KDM4C: variants seen among roughly 807,000 people sequenced by gnomAD.
KDM4C encodes lysine-specific demethylase 4C.
KDM4C carries 81 observed loss-of-function variants against 129.3 expected under a neutral mutation model. That is an observed-to-expected ratio of 0.63 (90% CI 0.52 to 0.75). The LOEUF is 0.75. Ranked by LOEUF, KDM4C falls within the 30% of genes least tolerant of loss-of-function variation. KDM4C has a pLI of 0.00. For synonymous variants in KDM4C, 573 were observed against 456.1 expected (o/e 1.26, Z -3.26); for missense variants, 1,457 against 1,304.0 (o/e 1.12, Z -1.81).
At chr9:6,802,583 A>G (rs186215874) in intron 2 of KDM4C, among the ~76,000 whole-genome samples, 59 of 152,354 alleles carry the variant, frequency 3.9e-4, no homozygotes, top group African/African-American at 1.3e-3. Flanking sequence ...AGTAGGAATG[A>G]AAATCAAAGA....
At chr9:6,918,385 C>T (rs4742271) in intron 8 of KDM4C, among the ~76,000 whole-genome samples, 152,355 of 152,364 alleles carry the variant, frequency 1, 76,173 homozygotes, top group Non-Finnish European at 1. Flanking sequence ...TATTCCATGA[C>T]GTGTATGTAC....
intron 17 of KDM4C, among the ~76,000 whole-genome samples, chr9:7,054,630 A>G (rs1434352547): frequency 1.3e-5 from 2 of 152,358 alleles, no homozygotes; most frequent in Non-Finnish European, 2.9e-5. Flanking sequence ...AGAGAAGGAC[A>G]TTTTAAAAAT....
intron 17 of KDM4C, 77 bp from the exon 18 acceptor site, chr9:7,103,598 TCTCTAGTAGC>T: frequency 1.0e-6 from 1 of 976,182 alleles, no homozygotes; most frequent in Non-Finnish European, 1.5e-6. Context: ...TTTTTTTTCT[TCTCTAGTAGC>T]TATTGTTCTG....
intron 17 of KDM4C, among the ~76,000 whole-genome samples, chr9:7,070,881 A>G (rs1444738618): frequency 6.6e-6 from 1 of 152,216 alleles, no homozygotes; most frequent in African/African-American, 2.4e-5. Flanking sequence ...AGAAAAATGA[A>G]TTCAAATCAT....
chr9:7,060,726 T>A (rs1015301913), intron 17 of KDM4C, among the ~76,000 whole-genome samples: 2 of 152,032 alleles, frequency 1.3e-5, no homozygotes, highest in African/African-American at 4.8e-5. Context: ...GTGATCCGCC[T>A]GCCTCGGCCT....
At chr9:6,966,062 C>A (rs995138241) in intron 8 of KDM4C, among the ~76,000 whole-genome samples, 1 of 152,146 alleles carries the variant, frequency 6.6e-6, no homozygotes, top group Non-Finnish European at 1.5e-5. Flanking sequence ...TAAAAACTTT[C>A]AGAGTTAACT....
intron 18 of KDM4C, among the ~76,000 whole-genome samples, chr9:7,107,047 A>C (rs1837774531): frequency 1.3e-5 from 2 of 152,140 alleles, no homozygotes; most frequent in South Asian, 4.1e-4. Flanking sequence ...TGTGTTTGCC[A>C]GCGTTTTTGT....
intron 1 of KDM4C, among the ~76,000 whole-genome samples, chr9:6,739,499 A>G (rs1178380091): frequency 6.6e-6 from 1 of 152,164 alleles, no homozygotes; most frequent in Admixed American, 6.6e-5. Context: ...ACTCCTGGAC[A>G]CCAGGTTTAA....
At chr9:6,953,145 C>T (rs1007493244) in intron 8 of KDM4C, among the ~76,000 whole-genome samples, 1 of 152,230 alleles carries the variant, frequency 6.6e-6, no homozygotes, top group South Asian at 2.1e-4. Context: ...GGCAGTAGAT[C>T]TTTTTTGTTC....
At chr9:7,162,000 C>T (rs1053633546) in intron 19 of KDM4C, among the ~76,000 whole-genome samples, 1 of 152,174 alleles carries the variant, frequency 6.6e-6, no homozygotes, top group Non-Finnish European at 1.5e-5. Context: ...CTCCGAGCTA[C>T]CTTAACTTCA....
intron 8 of KDM4C, among the ~76,000 whole-genome samples, chr9:6,959,248 C>A (rs1175584629): frequency 6.6e-6 from 1 of 152,178 alleles, no homozygotes; most frequent in African/African-American, 2.4e-5. Context: ...CCATGCTGGT[C>A]CCACCATGTA....
chr9:7,072,359 A>C (rs1401772061), intron 17 of KDM4C, among the ~76,000 whole-genome samples: 1 of 152,184 alleles, frequency 6.6e-6, no homozygotes, highest in Non-Finnish European at 1.5e-5. Context: ...TCACCCAAAA[A>C]ATGGAAGCAA....
intron 18 of KDM4C, among the ~76,000 whole-genome samples, chr9:7,117,358 C>T (rs991400454): frequency 7.9e-5 from 12 of 152,050 alleles, no homozygotes; most frequent in African/African-American, 1.9e-4. Context: ...AACCCATTCA[C>T]CAACTGTAAT....
At chr9:6,756,940 C>T, upstream of KDM4C, among the ~76,000 whole-genome samples, 1 of 152,042 alleles carries the variant, frequency 6.6e-6, no homozygotes, top group Middle Eastern at 3.2e-3. Flanking sequence ...GCATATTAGC[C>T]CAACTTTGCT....
chr9:6,798,921 A>T (rs1488110593), intron 2 of KDM4C, among the ~76,000 whole-genome samples: 3 of 151,302 alleles, frequency 2.0e-5, no homozygotes. Flanking sequence ...CACCTCCCAG[A>T]CGGGGTCGCG....
intron 4 of KDM4C, among the ~76,000 whole-genome samples, chr9:6,837,042 T>G (rs1835999497): frequency 6.6e-6 from 1 of 152,186 alleles, no homozygotes; most frequent in Admixed American, 6.5e-5. Flanking sequence ...TCACTTTATA[T>G]TCCTTTAGCA....
chr9:7,124,175 G>A (rs1839794235), intron 18 of KDM4C, among the ~76,000 whole-genome samples: 1 of 152,184 alleles, frequency 6.6e-6, no homozygotes, highest in African/African-American at 2.4e-5. Flanking sequence ...GCTAGTAAGA[G>A]TAATCAGCTT....
chr9:7,137,148 G>A (rs374637061), intron 19 of KDM4C, among the ~76,000 whole-genome samples: 3 of 152,186 alleles, frequency 2.0e-5, no homozygotes, highest in East Asian at 1.9e-4. Context: ...GAAGTCTGTC[G>A]TGAGAGAGGG....
At chr9:6,820,753 A>C (rs1435710234) in intron 4 of KDM4C, among the ~76,000 whole-genome samples, 2 of 139,384 alleles carry the variant, frequency 1.4e-5, no homozygotes, top group African/African-American at 2.7e-5. Flanking sequence ...TTCAAGTTCT[A>C]GGATACATGT....
Sources: gnomAD v4.1 joint callset for allele counts (sites outside exome capture counted in the v4.1 genomes callset) on GRCh38, gnomAD v4.1.1 for gene constraint, MANE v1.5 for transcripts, NCBI Gene and HGNC (gene_info 2026-07-23, HGNC 2026-07-21) for gene names.